KALRN: variants seen among roughly 807,000 people sequenced by gnomAD.
KALRN encodes kalirin RhoGEF kinase, also known as kalirin.
Under a neutral mutation model 353.7 loss-of-function variants are expected in KALRN, and 70 were observed. That is an observed-to-expected ratio of 0.20 (90% CI 0.16 to 0.24). KALRN has a LOEUF of 0.24. Among genes scored for constraint, KALRN ranks in the 10% least tolerant of loss-of-function variants. The pLI, the probability that KALRN is intolerant of heterozygous loss-of-function variation, is 1.00. For synonymous variants in KALRN, 1,391 were observed against 1,434.8 expected, an observed-to-expected ratio of 0.97 and a Z score of 0.69; for missense variants, 2,791 against 3,756.7, an observed-to-expected ratio of 0.74 and a Z score of 6.72.
At chr3:124,312,093 A>T (rs1319192625) in intron 6 of KALRN, among the ~76,000 whole-genome samples, 1 of 152,214 alleles carries the variant, frequency 6.6e-6, no homozygotes, top group East Asian at 1.9e-4. Context: ...GGTTGTACAT[A>T]TCTATATACT....
intron 1 of KALRN, among the ~76,000 whole-genome samples, chr3:124,121,870 T>C (rs1010361649): frequency 6.6e-6 from 1 of 152,222 alleles, no homozygotes; most frequent in African/African-American, 2.4e-5. Flanking sequence ...GCAGACCTGT[T>C]AGCAGACACT....
chr3:124,713,755 A>G (rs1272661720), intron 58 of KALRN, among the ~76,000 whole-genome samples: 1 of 152,198 alleles, frequency 6.6e-6, no homozygotes, highest in Non-Finnish European at 1.5e-5. Context: ...GAGATTAAAG[A>G]GAACAGAGTC....
At chr3:124,368,160 C>G (rs1255434801) in intron 10 of KALRN, among the ~76,000 whole-genome samples, 1 of 81,186 alleles carries the variant, frequency 1.2e-5, no homozygotes, top group Non-Finnish European at 2.4e-5. Flanking sequence ...CCACCTCCCT[C>G]CCGGACAGCA....
At chr3:124,268,260 C>G (rs1580279150) in intron 4 of KALRN, among the ~76,000 whole-genome samples, 1 of 152,218 alleles carries the variant, frequency 6.6e-6, no homozygotes, top group Non-Finnish European at 1.5e-5. Context: ...AAAGGGAGAG[C>G]CTTGGAAAAG....
intron 1 of KALRN, among the ~76,000 whole-genome samples, chr3:124,107,786 C>T (rs956441137): frequency 6.6e-6 from 1 of 152,132 alleles, no homozygotes; most frequent in Non-Finnish European, 1.5e-5. Context: ...TAGACAGTGT[C>T]ATCATTAGGT....
intron 1 of KALRN, among the ~76,000 whole-genome samples, chr3:124,155,563 A>C (rs886501061): frequency 6.6e-6 from 1 of 152,236 alleles, no homozygotes; most frequent in African/African-American, 2.4e-5. Flanking sequence ...AAATAACTTT[A>C]ATAGAATCAT....
At chr3:124,490,000 GCTCATGC>G (rs1249953593) in intron 29 of KALRN, among the ~76,000 whole-genome samples, 1 of 152,194 alleles carries the variant, frequency 6.6e-6, no homozygotes, top group African/African-American at 2.4e-5. Flanking sequence ...AGGCACAGTG[GCTCATGC>G]CTATAATCCT....
intron 37 of KALRN, among the ~76,000 whole-genome samples, chr3:124,641,898 C>T (rs2149975083): frequency 6.6e-6 from 1 of 152,252 alleles, no homozygotes; most frequent in South Asian, 2.1e-4. Context: ...AGCTTCCTGG[C>T]CATGTGAGAA....
intron 1 of KALRN, among the ~76,000 whole-genome samples, chr3:124,220,048 A>G (rs2077720609): frequency 6.6e-6 from 1 of 150,684 alleles, no homozygotes. Flanking sequence ...GGGTTCAAGC[A>G]CTTCTCCTGC....
chr3:124,244,140 G>T (rs1431623295), intron 3 of KALRN, among the ~76,000 whole-genome samples: 1 of 152,150 alleles, frequency 6.6e-6, no homozygotes, highest in East Asian at 1.9e-4. Flanking sequence ...GAGAAAGTAA[G>T]TGCAGAAAAA....
intron 46 of KALRN, 55 bp downstream of exon 46, chr3:124,666,689 C>T: frequency 6.9e-7 from 1 of 1,458,214 alleles, no homozygotes; most frequent in South Asian, 1.2e-5. Context: ...TTCTTGGGAG[C>T]TGCTTCCCTA....
intron 5 of KALRN, among the ~76,000 whole-genome samples, chr3:124,276,820 C>T (rs541632168): frequency 3.9e-5 from 6 of 152,254 alleles, no homozygotes; most frequent in African/African-American, 7.2e-5. Context: ...CAGGTGGGCA[C>T]GTATAGGGGC....
intron 3 of KALRN, among the ~76,000 whole-genome samples, chr3:124,260,260 C>T (rs2072652422): frequency 6.6e-6 from 1 of 152,202 alleles, no homozygotes; most frequent in East Asian, 1.9e-4. Context: ...AATATATCTT[C>T]ACAGCAACCT....
chr3:124,497,729 GTTC>G (rs999457709), intron 33 of KALRN, among the ~76,000 whole-genome samples: 1 of 152,180 alleles, frequency 6.6e-6, no homozygotes, highest in Non-Finnish European at 1.5e-5. Flanking sequence ...ATAACCTAGT[GTTC>G]CTAGTGTATA....
At chr3:124,455,150 G>A (rs2059186540) in intron 21 of KALRN, 27 bp from the exon 22 acceptor site, 1 of 1,612,646 alleles carries the variant, frequency 6.2e-7, no homozygotes, top group Non-Finnish European at 8.5e-7. Flanking sequence ...ATGTAATCCA[G>A]TAACTTAAGG....
chr3:124,308,918 A>G (rs1456700881), intron 6 of KALRN, among the ~76,000 whole-genome samples: 6 of 152,098 alleles, frequency 3.9e-5, no homozygotes, highest in African/African-American at 1.2e-4. Context: ...ACCTTTACCT[A>G]GAACAACCAA....
At chr3:124,493,727 A>G (rs1472463613) in intron 32 of KALRN, among the ~76,000 whole-genome samples, 5 of 152,214 alleles carry the variant, frequency 3.3e-5, no homozygotes, top group East Asian at 3.9e-4. Context: ...TTCAGGGCCT[A>G]TGAAGCCGCA....
intron 10 of KALRN, among the ~76,000 whole-genome samples, chr3:124,368,166 C>T (rs2085225922): frequency 2.5e-5 from 2 of 79,366 alleles, no homozygotes; most frequent in Non-Finnish European, 5.0e-5. Flanking sequence ...CCCTCCCGGA[C>T]AGCACGGCTG....
At chr3:124,123,074 G>T (rs2064211105) in intron 1 of KALRN, among the ~76,000 whole-genome samples, 1 of 152,016 alleles carries the variant, frequency 6.6e-6, no homozygotes, top group African/African-American at 2.4e-5. Context: ...GGTGGCACGT[G>T]CCTGTAATCC....
Sources: gnomAD v4.1 joint callset for allele counts (sites outside exome capture counted in the v4.1 genomes callset) on GRCh38, gnomAD v4.1.1 for gene constraint, MANE v1.5 for transcripts, NCBI Gene and HGNC (gene_info 2026-07-23, HGNC 2026-07-21) for gene names.